INO80: variants seen among roughly 807,000 people sequenced by gnomAD.
The protein encoded by INO80 is INO80 complex ATPase subunit.
Under a neutral mutation model 203.4 loss-of-function variants are expected in INO80, and 20 were observed. The observed-to-expected ratio is 0.10, with a 90% CI of 0.07 to 0.14. INO80 has a LOEUF of 0.14. Among genes scored for constraint, INO80 ranks in the 10% least tolerant of loss-of-function variants. The pLI is 1.00. For missense variants in INO80, 1,419 were observed against 1,914.4 expected (o/e 0.74, Z 4.83); for synonymous variants, 726 against 685.2 (o/e 1.06, Z -0.93).
At chr15:40,980,499 G>T in intron 35 of INO80, 59 bp from the exon 36 acceptor site, 1 of 1,331,398 alleles carries the variant, frequency 7.5e-7, no homozygotes. Context: ...CTTCCTTGGA[G>T]CCTGTGGCCT....
At chr15:41,070,590 CAAAT>C (rs781358943) in intron 12 of INO80, 43 bp from the exon 13 acceptor site, 385 of 1,485,916 alleles carry the variant, frequency 2.6e-4, no homozygotes, top group Non-Finnish European at 2.9e-4. Flanking sequence ...TGCATTTCAT[CAAAT>C]AAAGTTCAAC....
intron 1 of INO80, among the ~76,000 whole-genome samples, chr15:41,098,091 C>G (rs572154073): frequency 5.6e-4 from 85 of 152,220 alleles, no homozygotes; most frequent in Non-Finnish European, 9.7e-4. Flanking sequence ...ACCTTGTGAT[C>G]CGCCTGTCTC....
intron 29 of INO80, among the ~76,000 whole-genome samples, chr15:40,994,427 G>A (rs767490649): frequency 1.3e-5 from 2 of 152,028 alleles, no homozygotes; most frequent in African/African-American, 4.8e-5. Flanking sequence ...ACAGTGGCAC[G>A]ATCTTGGCGC....
At chr15:41,091,340 G>A (rs904462343) in intron 5 of INO80, among the ~76,000 whole-genome samples, 4 of 152,284 alleles carry the variant, frequency 2.6e-5, no homozygotes, top group African/African-American at 7.2e-5. Context: ...GATTACAGGC[G>A]TGAGCCACCG....
intron 27 of INO80, among the ~76,000 whole-genome samples, chr15:41,008,644 T>C (rs923010873): frequency 6.6e-6 from 1 of 152,180 alleles, no homozygotes; most frequent in African/African-American, 2.4e-5. Context: ...TGGAAAAAGC[T>C]TCAAAGATTA....
At chr15:40,985,242 C>T (rs1325022863) in intron 32 of INO80, 96 bp downstream of exon 32, 1 of 833,520 alleles carries the variant, frequency 1.2e-6, no homozygotes. Flanking sequence ...TTGATAGCAA[C>T]CAGTAACCAA....
rs781782403 is a variant in INO80 at position 40,984,296 on chromosome 15, C to A, written c.3978G>T (p.Val1326=). The change falls in exon 33 of 36, where the codon GTG becomes GTT. Residue 1326 remains valine (V), a synonymous_variant. Transcript: ENST00000648947. ...TATCAGCCGAGGGAACAAATGGGAT[C>A]ACCAGGTTCACACCCTCTTTTCTCC... ...GKRRKEGVNL[V]IPFVPSADNS... is the part of the protein sequence containing the mutation. The A allele has an allele frequency of 1.9e-6, 3 of 1,614,142 alleles. No individual in the cohort carries two copies. The highest frequency in any genetic ancestry group is 2.2e-5 in the South Asian group (2 of 91,074).
At chr15:41,096,146 T>C (rs765406662) in intron 2 of INO80, 22 bp downstream of exon 2, 3 of 1,580,068 alleles carry the variant, frequency 1.9e-6, no homozygotes, top group Non-Finnish European at 2.6e-6. Flanking sequence ...GTAAAACATA[T>C]TGCAAAGATA....
intron 23 of INO80, among the ~76,000 whole-genome samples, chr15:41,046,462 G>C (rs1230790771): frequency 6.6e-6 from 1 of 151,080 alleles, no homozygotes; most frequent in Non-Finnish European, 1.5e-5. Flanking sequence ...CCTGACCTCA[G>C]GTGACCCACC....
At position 40,987,980 on chromosome 15, in the gene INO80, T is replaced by C; in HGVS notation, c.3571-6A>G. 1 of 1,608,848 alleles carries C rather than the reference T, an allele frequency of 6.2e-7. No individual in the cohort carries two copies. The highest frequency in any genetic ancestry group is 2.2e-5 in the East Asian group (1 of 44,778). ...TCGCTATCATAGAAAATCACCTGCA[T>C]AGAATATAGCAAAAACTGAAGCACT... On this transcript the variant is annotated splice_region_variant and splice_polypyrimidine_tract_variant and intron_variant, in intron 29 of 35. Coordinates refer to ENST00000648947, the MANE Select transcript of INO80 (RefSeq NM_017553.3).
chr15:41,095,649 C>T lies in INO80; in HGVS notation c.333G>A (p.Gly111=). The T allele has an allele frequency of 6.2e-7, 1 of 1,610,910 alleles. No homozygotes were observed. Among genetic ancestry groups the T allele is most frequent in the Non-Finnish European group, 8.5e-7 (1 of 1,177,230 alleles). Reference sequence around the variant, plus strand: ...TCAGCTTAGAGAAATTATATAAATTCCCCTTATCACATTTTGATTCTGTAT... The same window carrying T: ...TCAGCTTAGAGAAATTATATAAATTTCCCTTATCACATTTTGATTCTGTAT... ...VLQSESKCDK[G]NLYNFSKLKK... The change falls in exon 4 of 36, where the codon GGG becomes GGA. Residue 111 remains glycine, a synonymous_variant. Coordinates refer to ENST00000648947, the MANE Select transcript of INO80 (RefSeq NM_017553.3).
At chr15:40,982,177 T>C (rs1052580604) in intron 35 of INO80, among the ~76,000 whole-genome samples, 4 of 152,204 alleles carry the variant, frequency 2.6e-5, no homozygotes, top group Non-Finnish European at 4.4e-5. Context: ...GAGAGAGTCT[T>C]GCTCTGTCAC....
At chr15:41,036,942 A>C (rs956580938) in intron 24 of INO80, among the ~76,000 whole-genome samples, 1 of 152,108 alleles carries the variant, frequency 6.6e-6, no homozygotes, top group South Asian at 2.1e-4. Context: ...CTCTCTACTA[A>C]AAATACGAAA....
chr15:41,099,237 CAAAAAAAAAAAAA>C (rs71104771), intron 1 of INO80, among the ~76,000 whole-genome samples: 2 of 21,096 alleles, frequency 9.5e-5, no homozygotes, highest in Non-Finnish European at 2.0e-4. Flanking sequence ...GACCCTGTCT[CAAAAAAAAAAAAA>C]AAAAAAAAAA....
At chr15:41,072,249 T>C (rs1457011211) in intron 11 of INO80, among the ~76,000 whole-genome samples, 191 bp from the exon 12 acceptor site, 1 of 152,088 alleles carries the variant, frequency 6.6e-6, no homozygotes, top group African/African-American at 2.4e-5. Context: ...TAATATTATT[T>C]AATGTAACAA....
At chr15:41,015,938 C>G (rs570830255) in intron 27 of INO80, 150 bp downstream of exon 27, 4 of 609,512 alleles carry the variant, frequency 6.6e-6, no homozygotes, top group Admixed American at 3.1e-5. Flanking sequence ...GAGTGAGACT[C>G]TGTCTCAAAA....
intron 27 of INO80, among the ~76,000 whole-genome samples, chr15:41,015,246 G>C (rs2044186130): frequency 6.6e-6 from 1 of 152,142 alleles, no homozygotes. Flanking sequence ...TTGCATATTA[G>C]AATCACCCCA....
chr15:41,038,107 C>T lies in INO80; in HGVS notation c.2907+6797G>A, dbSNP rs142546174. On this transcript the variant is annotated intron_variant, in intron 24 of 35. Coordinates refer to ENST00000648947, the MANE Select transcript of INO80 (RefSeq NM_017553.3). ...TCAGCTCACTGCAACCTTCGTCTCCCGTTTTCAAGTGATTCTCCTGCCTCA... is the reference window on the plus strand; with the variant it reads ...TCAGCTCACTGCAACCTTCGTCTCCTGTTTTCAAGTGATTCTCCTGCCTCA... 2.3e-3 allele frequency among the ~76,000 whole-genome samples: 341 copies of T among 147,954 alleles called. 2 individuals carry two copies. The highest frequency in any genetic ancestry group is 7.8e-3 in the African/African-American group (312 of 40,178).
chr15:41,082,805 G>A (rs1319741371), intron 7 of INO80, among the ~76,000 whole-genome samples: 1 of 152,084 alleles, frequency 6.6e-6, no homozygotes, highest in Non-Finnish European at 1.5e-5. Context: ...GACTGCTTGA[G>A]CCTGGGAGAT....
Sources: allele counts gnomAD v4.1 joint callset (sites outside exome capture counted in the v4.1 genomes callset), GRCh38; gene constraint gnomAD v4.1.1; transcripts MANE v1.5; gene names NCBI Gene and HGNC (gene_info 2026-07-23, HGNC 2026-07-21).